Variants in ZBTB20 observed in about 807,000 individuals in gnomAD.
ZBTB20 encodes the protein zinc finger and BTB domain containing 20.
A neutral mutation model predicts 56.9 loss-of-function variants in ZBTB20; 9 were observed. That is an observed-to-expected ratio of 0.16 (90% CI 0.10 to 0.28). ZBTB20 has a LOEUF of 0.28. ZBTB20 is among the 10% of genes least tolerant of loss of function. The pLI is 1.00. For synonymous variants in ZBTB20, 417 were observed against 420.7 expected (o/e 0.99, Z 0.11); for missense variants, 655 against 1,003.0 (o/e 0.65, Z 4.69).
chr3:114,891,665 G>T (rs1188075583), intron 4 of ZBTB20, among the ~76,000 whole-genome samples: 1 of 152,140 alleles, frequency 6.6e-6, no homozygotes, highest in East Asian at 1.9e-4. Flanking sequence ...TTAGGATATT[G>T]ATAACACTTA....
At chr3:114,582,165 T>C in intron 6 of ZBTB20, 1 of 152,158 alleles carries the variant, frequency 6.6e-6, no homozygotes, top group Admixed American at 6.5e-5. Flanking sequence ...ATACAAAGGA[T>C]TCTTCTTAGG....
At chr3:114,534,142 T>A (rs916136181) in intron 6 of ZBTB20, among the ~76,000 whole-genome samples, 1 of 152,176 alleles carries the variant, frequency 6.6e-6, no homozygotes, top group African/African-American at 2.4e-5. Context: ...ATAACAGTGT[T>A]AATCTTAAAT....
chr3:114,378,692 C>T (rs889377899), intron 10 of ZBTB20, among the ~76,000 whole-genome samples: 1 of 152,348 alleles, frequency 6.6e-6, no homozygotes, highest in East Asian at 1.9e-4. Flanking sequence ...AAACTCCAGG[C>T]CCTTCACCAC....
At chr3:114,374,342 G>C (rs147537461) in intron 10 of ZBTB20, among the ~76,000 whole-genome samples, 2 of 152,314 alleles carry the variant, frequency 1.3e-5, no homozygotes, top group Non-Finnish European at 2.9e-5. Flanking sequence ...AGAGCACTTA[G>C]TTGTACCAAA....
intron 3 of ZBTB20, among the ~76,000 whole-genome samples, chr3:114,968,302 C>G (rs1045645157): frequency 8.5e-5 from 13 of 152,096 alleles, no homozygotes; most frequent in Non-Finnish European, 1.5e-4. Flanking sequence ...CCAAAAAGGT[C>G]AAACCTTATA....
intron 7 of ZBTB20, among the ~76,000 whole-genome samples, chr3:114,391,932 A>G (rs556401279): frequency 6.6e-6 from 1 of 152,344 alleles, no homozygotes; most frequent in South Asian, 2.1e-4. Flanking sequence ...ACAAGACCAG[A>G]GAGAGGGAGG....
intron 1 of ZBTB20, among the ~76,000 whole-genome samples, chr3:115,078,507 G>A (rs777066922): frequency 2.0e-5 from 3 of 151,256 alleles, no homozygotes; most frequent in African/African-American, 4.9e-5. Flanking sequence ...AATTACAGAC[G>A]ATTATTTTAT....
intron 4 of ZBTB20, among the ~76,000 whole-genome samples, chr3:114,853,720 C>T (rs1318731797): frequency 6.6e-6 from 1 of 152,054 alleles, no homozygotes; most frequent in Non-Finnish European, 1.5e-5. Context: ...CTTTAGACTA[C>T]CAGATGAAGT....
intron 5 of ZBTB20, among the ~76,000 whole-genome samples, chr3:114,751,521 T>G (rs1211867802): frequency 2.6e-5 from 4 of 152,148 alleles, no homozygotes; most frequent in Admixed American, 2.6e-4. Flanking sequence ...TTGTTTGCTA[T>G]TATGCTAAAT....
chr3:114,806,886 T>A (rs998546545), intron 4 of ZBTB20, among the ~76,000 whole-genome samples: 3 of 151,962 alleles, frequency 2.0e-5, no homozygotes, highest in Non-Finnish European at 4.4e-5. Flanking sequence ...TCCCTTCCCA[T>A]GACAAATTGC....
intron 7 of ZBTB20, among the ~76,000 whole-genome samples, chr3:114,481,562 C>T (rs1308726190): frequency 2.6e-5 from 4 of 152,202 alleles, no homozygotes; most frequent in Admixed American, 2.6e-4. Flanking sequence ...GTTAGGCCTT[C>T]TCTGAGAAAC....
rs558495276 is a variant in ZBTB20 at position 114,392,817 on chromosome 3, T to C, written c.-254-3712A>G. Among the ~76,000 whole-genome samples the C allele has an allele frequency of 2.6e-5, 4 of 152,340 alleles. No individual in the cohort carries two copies. In the South Asian group the frequency reaches 6.2e-4, roughly 24 times the overall value. On this transcript the variant is annotated intron_variant, in intron 7 of 11. Coordinates refer to ENST00000675478, the MANE Select transcript of ZBTB20 (RefSeq NM_001348800.3). The stretch of plus-strand genomic sequence containing the variant: ...ATTAGTTGTTTCTCTTCTCTATCCT[T>C]ATCCTCAAACAGAATCATTTTCTCT...
intron 3 of ZBTB20, among the ~76,000 whole-genome samples, chr3:114,905,692 A>C (rs942684338): frequency 6.6e-6 from 1 of 151,946 alleles, no homozygotes; most frequent in Non-Finnish European, 1.5e-5. Flanking sequence ...CTAATCTTCC[A>C]ATCTATTTTC....
chr3:115,090,266 T>C (rs928337527), intron 1 of ZBTB20, among the ~76,000 whole-genome samples: 2 of 151,812 alleles, frequency 1.3e-5, no homozygotes, highest in Non-Finnish European at 2.9e-5. Flanking sequence ...GCTCAGAAAT[T>C]TGAATTTTAA....
intron 5 of ZBTB20, among the ~76,000 whole-genome samples, chr3:114,787,084 C>T (rs1411598551): frequency 6.6e-6 from 1 of 151,940 alleles, no homozygotes; most frequent in African/African-American, 2.4e-5. Context: ...AAGTGATCCT[C>T]CTGCCTCAGC....
chr3:114,346,882 T>C (rs2080230111), intron 11 of ZBTB20, among the ~76,000 whole-genome samples: 1 of 151,556 alleles, frequency 6.6e-6, no homozygotes, highest in South Asian at 2.1e-4. Context: ...GCTGGGGTCT[T>C]GCCAAGTTGT....
intron 4 of ZBTB20, among the ~76,000 whole-genome samples, chr3:114,853,123 T>C (rs568295440): frequency 5.6e-4 from 86 of 152,374 alleles, no homozygotes; most frequent in Non-Finnish European, 1.0e-3. Flanking sequence ...CCATGCATCC[T>C]GCTTTTGGCA....
At chr3:114,342,551 A>T (rs1192497851) in intron 11 of ZBTB20, among the ~76,000 whole-genome samples, 1 of 152,236 alleles carries the variant, frequency 6.6e-6, no homozygotes, top group Non-Finnish European at 1.5e-5. Context: ...TGACTTGGGC[A>T]TGTCATTTAA....
intron 2 of ZBTB20, among the ~76,000 whole-genome samples, chr3:115,008,616 T>C (rs951471534): frequency 6.6e-6 from 1 of 151,880 alleles, no homozygotes; most frequent in African/African-American, 2.4e-5. Context: ...GAAAGATAAA[T>C]GTCTAATATA....
Sources: gnomAD v4.1 joint callset for allele counts (sites outside exome capture counted in the v4.1 genomes callset) on GRCh38, gnomAD v4.1.1 for gene constraint, MANE v1.5 for transcripts, NCBI Gene and HGNC (gene_info 2026-07-23, HGNC 2026-07-21) for gene names.